Variants in SPAG16 observed in about 807,000 individuals in gnomAD.
The protein encoded by SPAG16 is sperm-associated antigen 16 protein.
Under a neutral mutation model 80.4 loss-of-function variants are expected in SPAG16, and 86 were observed. The observed-to-expected ratio is 1.07, with a 90% CI of 0.90 to 1.28. SPAG16 has a LOEUF of 1.28. Ranked by LOEUF, SPAG16 falls within the 50% of genes most tolerant of loss-of-function variation. SPAG16 has a pLI of 0.00. For missense variants in SPAG16, 870 were observed against 765.3 expected (o/e 1.14, Z -1.61); for synonymous variants, 294 against 265.9 (o/e 1.11, Z -1.03).
intron 15 of SPAG16, among the ~76,000 whole-genome samples, chr2:214,368,334 A>G (rs927874620): frequency 5.9e-5 from 9 of 151,862 alleles, no homozygotes; most frequent in African/African-American, 2.2e-4. Context: ...CTACTATAAT[A>G]TCTCCTCTGA....
intron 10 of SPAG16, among the ~76,000 whole-genome samples, chr2:213,536,811 G>T (rs1051821854): frequency 7.2e-5 from 11 of 152,044 alleles, no homozygotes; most frequent in African/African-American, 2.7e-4. Flanking sequence ...ACCCATTACT[G>T]GGTATATACC....
At chr2:213,493,053 G>A (rs530017243) in intron 10 of SPAG16, among the ~76,000 whole-genome samples, 1 of 152,000 alleles carries the variant, frequency 6.6e-6, no homozygotes, top group South Asian at 2.1e-4. Flanking sequence ...TAACCCAAAG[G>A]CAAACTACAA....
At chr2:213,383,600 T>C (rs2067285209) in intron 9 of SPAG16, among the ~76,000 whole-genome samples, 1 of 152,182 alleles carries the variant, frequency 6.6e-6, no homozygotes, top group Non-Finnish European at 1.5e-5. Flanking sequence ...GGGTTCCTAT[T>C]ACAAGTTTGT....
intron 15 of SPAG16, among the ~76,000 whole-genome samples, chr2:214,261,450 A>T (rs1576622329): frequency 1.3e-5 from 2 of 152,296 alleles, no homozygotes; most frequent in South Asian, 4.1e-4. Context: ...CTCAGGATTT[A>T]GACTTCTGAA....
intron 15 of SPAG16, among the ~76,000 whole-genome samples, chr2:214,288,812 A>C: frequency 7.1e-6 from 1 of 140,852 alleles, no homozygotes; most frequent in Non-Finnish European, 1.6e-5. Context: ...TCTGTCACCC[A>C]GGCTGGAGTG....
intron 15 of SPAG16, among the ~76,000 whole-genome samples, chr2:214,236,509 G>A (rs544548506): frequency 8.6e-5 from 13 of 152,044 alleles, no homozygotes; most frequent in Middle Eastern, 3.4e-3. Flanking sequence ...AAAATTAGCC[G>A]GGCATGGGGG....
chr2:213,752,044 C>T (rs539360926), intron 10 of SPAG16, among the ~76,000 whole-genome samples: 2 of 152,180 alleles, frequency 1.3e-5, no homozygotes, highest in African/African-American at 4.8e-5. Context: ...CCCCACTACT[C>T]CCACTCCAAA....
chr2:214,368,223 A>G (rs1360947758), intron 15 of SPAG16, among the ~76,000 whole-genome samples: 1 of 152,084 alleles, frequency 6.6e-6, no homozygotes, highest in Non-Finnish European at 1.5e-5. Context: ...AAAATGTCAC[A>G]TCTGTTCAGA....
intron 9 of SPAG16, among the ~76,000 whole-genome samples, chr2:213,402,507 T>A (rs1269929838): frequency 2.6e-5 from 4 of 152,162 alleles, no homozygotes; most frequent in Admixed American, 2.6e-4. Flanking sequence ...ACATGTGCCA[T>A]GTTGGTGTGC....
At chr2:213,852,895 T>C (rs1257549681) in intron 10 of SPAG16, among the ~76,000 whole-genome samples, 2 of 152,220 alleles carry the variant, frequency 1.3e-5, no homozygotes, top group Admixed American at 6.5e-5. Flanking sequence ...CATGTGAAAG[T>C]ACTTTATATA....
At chr2:214,176,633 A>T (rs1375118730) in intron 15 of SPAG16, among the ~76,000 whole-genome samples, 1 of 151,344 alleles carries the variant, frequency 6.6e-6, no homozygotes, top group African/African-American at 2.4e-5. Flanking sequence ...GTATAGTTGT[A>T]TATTATTTTC....
intron 10 of SPAG16, among the ~76,000 whole-genome samples, chr2:213,611,281 C>T (rs765613394): frequency 6.6e-6 from 1 of 152,110 alleles, no homozygotes; most frequent in Non-Finnish European, 1.5e-5. Flanking sequence ...TCCCTTGGCT[C>T]CTATGGCATG....
intron 11 of SPAG16, among the ~76,000 whole-genome samples, chr2:213,870,376 A>C (rs2105982746): frequency 6.6e-6 from 1 of 152,288 alleles, no homozygotes; most frequent in Non-Finnish European, 1.5e-5. Flanking sequence ...AGTGTTAACT[A>C]TCCTCTGAAT....
At chr2:213,578,186 T>C (rs536953046) in intron 10 of SPAG16, among the ~76,000 whole-genome samples, 64 of 152,244 alleles carry the variant, frequency 4.2e-4, no homozygotes, top group African/African-American at 1.5e-3. Context: ...TATGTCTTAA[T>C]AATAAAGTGA....
chr2:213,770,652 A>T (rs1052087416), intron 10 of SPAG16, among the ~76,000 whole-genome samples: 1 of 151,900 alleles, frequency 6.6e-6, no homozygotes, highest in African/African-American at 2.4e-5. Flanking sequence ...TGTGTTATTC[A>T]TCTCCTTGTG....
chr2:213,574,204 C>T (rs889384145), intron 10 of SPAG16, among the ~76,000 whole-genome samples: 3 of 152,124 alleles, frequency 2.0e-5, no homozygotes, highest in Admixed American at 6.6e-5. Flanking sequence ...ACTGTCTAAT[C>T]TTGTTTATCC....
chr2:214,298,981 T>G (rs1397191778), intron 15 of SPAG16, among the ~76,000 whole-genome samples: 1 of 152,168 alleles, frequency 6.6e-6, no homozygotes, highest in African/African-American at 2.4e-5. Flanking sequence ...GTGTAACATT[T>G]AATTGAACAG....
chr2:213,557,166 T>G (rs763615143), intron 10 of SPAG16, among the ~76,000 whole-genome samples: 22 of 152,166 alleles, frequency 1.4e-4, no homozygotes, highest in Non-Finnish European at 2.8e-4. Context: ...AGACAAGCAC[T>G]GCCTTTAGAT....
At chr2:213,749,660 T>G (rs2125482723) in intron 10 of SPAG16, among the ~76,000 whole-genome samples, 1 of 152,362 alleles carries the variant, frequency 6.6e-6, no homozygotes, top group Middle Eastern at 3.4e-3. Flanking sequence ...AAGCTAAAGA[T>G]CTTGGCTATT....
Sources: allele counts gnomAD v4.1 joint callset (sites outside exome capture counted in the v4.1 genomes callset), GRCh38; gene constraint gnomAD v4.1.1; transcripts MANE v1.5; gene names NCBI Gene and HGNC (gene_info 2026-07-23, HGNC 2026-07-21).